FRMD3: variants seen among roughly 807,000 people sequenced by gnomAD.
FRMD3 encodes FERM domain containing 3.
Under a neutral mutation model 70.2 loss-of-function variants are expected in FRMD3, and 33 were observed. That is an observed-to-expected ratio of 0.47 (90% CI 0.36 to 0.63). The LOEUF is 0.63. FRMD3 is among the 20% of genes least tolerant of loss of function. The pLI, the probability that FRMD3 is intolerant of heterozygous loss-of-function variation, is 0.00. For synonymous variants in FRMD3, 279 were observed against 255.9 expected, an observed-to-expected ratio of 1.09 and a Z score of -0.86; for missense variants, 632 against 711.4, an observed-to-expected ratio of 0.89 and a Z score of 1.27.
intron 1 of FRMD3, among the ~76,000 whole-genome samples, chr9:83,395,943 T>C (rs1337873708): frequency 6.6e-6 from 1 of 152,218 alleles, no homozygotes; most frequent in African/African-American, 2.4e-5. Flanking sequence ...GGGATGAAGG[T>C]ATGAACATAG....
chr9:83,465,298 C>T (rs1828096143), intron 1 of FRMD3, among the ~76,000 whole-genome samples: 1 of 152,172 alleles, frequency 6.6e-6, no homozygotes, highest in African/African-American at 2.4e-5. Context: ...CTTCCCAGAA[C>T]TCTAGTCCCA....
intron 4 of FRMD3, among the ~76,000 whole-genome samples, chr9:83,347,552 C>T (rs1226297420): frequency 6.6e-6 from 1 of 152,078 alleles, no homozygotes; most frequent in African/African-American, 2.4e-5. Flanking sequence ...AAGATGATTG[C>T]TTATATGGAG....
At chr9:83,500,704 A>G (rs1450862367) in intron 1 of FRMD3, among the ~76,000 whole-genome samples, 1 of 152,198 alleles carries the variant, frequency 6.6e-6, no homozygotes, top group Non-Finnish European at 1.5e-5. Context: ...TGACAGATTC[A>G]ATTAGTCAAT....
At position 83,247,735 on chromosome 9, in the gene FRMD3, T is replaced by A; in HGVS notation, c.*183A>T. Reference sequence around the variant, plus strand: ...CTTCCTAACCTGTAACTAAAATAACTGTATTTGATTTAAACTTATTTAAGT... The same window carrying A: ...CTTCCTAACCTGTAACTAAAATAACAGTATTTGATTTAAACTTATTTAAGT... On this transcript the variant is annotated 3_prime_UTR_variant, in exon 14 of 14. Transcript: ENST00000304195. The A allele has an allele frequency of 6.9e-7, 1 of 1,440,128 alleles. No homozygotes were observed. The highest frequency in any genetic ancestry group is 1.6e-5 in the South Asian group (1 of 62,762). The allele number at this position is 1,440,128 out of a possible 1,614,324, so 89.2% of individuals were successfully genotyped here.
At chr9:83,378,128 G>C (rs557692142) in intron 2 of FRMD3, among the ~76,000 whole-genome samples, 1 of 152,206 alleles carries the variant, frequency 6.6e-6, no homozygotes, top group East Asian at 1.9e-4. Context: ...CATGAAGAAG[G>C]CCTTAAAACA....
intron 1 of FRMD3, among the ~76,000 whole-genome samples, chr9:83,440,688 CAG>C (rs1554705746): frequency 1.2e-4 from 19 of 152,326 alleles, no homozygotes; most frequent in Non-Finnish European, 2.2e-4. Flanking sequence ...ATTTAGTTAG[CAG>C]ACAGACTGGA....
intron 13 of FRMD3, among the ~76,000 whole-genome samples, chr9:83,275,181 C>A (rs942416870): frequency 6.6e-6 from 1 of 152,162 alleles, no homozygotes; most frequent in Non-Finnish European, 1.5e-5. Flanking sequence ...GGGACCGAGC[C>A]GTCGGCATGG....
At chr9:83,491,836 G>A (rs1034200610) in intron 1 of FRMD3, among the ~76,000 whole-genome samples, 8 of 152,130 alleles carry the variant, frequency 5.3e-5, no homozygotes, top group African/African-American at 1.7e-4. Context: ...TACTCAAAGC[G>A]TATTACAGTG....
At chr9:83,542,409 A>G (rs1261319444), upstream of FRMD3, among the ~76,000 whole-genome samples, 2 of 152,228 alleles carry the variant, frequency 1.3e-5, no homozygotes, top group Non-Finnish European at 2.9e-5. Context: ...AAATATGCAC[A>G]AGATCTTTAT....
In FRMD3 at chr9:83,361,818, G is replaced by A. The variant is rs568796117; in HGVS notation, c.295+11095C>T. Among the ~76,000 whole-genome samples the A allele has an allele frequency of 2.9e-3, 439 of 152,270 alleles. 3 individuals are homozygous for A. The highest frequency in any genetic ancestry group is 0.01 in the African/African-American group (420 of 41,546). ...AGAGAAACATAGGGAGGCACCATGTGAAGATGGAGGCAGAGTGTGGAGTGA... is the reference window on the plus strand; with the variant it reads ...AGAGAAACATAGGGAGGCACCATGTAAAGATGGAGGCAGAGTGTGGAGTGA... On this transcript the variant is annotated intron_variant, in intron 3 of 13. Transcript: ENST00000304195.
At chr9:83,513,462 T>C (rs1355367081) in intron 1 of FRMD3, among the ~76,000 whole-genome samples, 1 of 152,234 alleles carries the variant, frequency 6.6e-6, no homozygotes, top group Non-Finnish European at 1.5e-5. Flanking sequence ...AGATTTTATC[T>C]TCAAAATAAA....
At chr9:83,423,074 TAAAA>T (rs769002406) in intron 1 of FRMD3, among the ~76,000 whole-genome samples, 1 of 151,998 alleles carries the variant, frequency 6.6e-6, no homozygotes, top group Admixed American at 6.5e-5. Context: ...GTAAAGCCAA[TAAAA>T]AAGCACCAAT....
intron 1 of FRMD3, among the ~76,000 whole-genome samples, chr9:83,416,036 G>A (rs1039798535): frequency 1.3e-5 from 2 of 152,158 alleles, no homozygotes; most frequent in Admixed American, 6.6e-5. Context: ...CCTAGAAATA[G>A]CAAGTAAATC....
chr9:83,389,537 A>G, intron 2 of FRMD3, 67 bp downstream of exon 2: 1 of 1,010,024 alleles, frequency 9.9e-7, no homozygotes, highest in Non-Finnish European at 1.6e-6. Context: ...TTTGAGAGGA[A>G]CCCCCACAGT....
At chr9:83,541,825 T>C (rs544206570), upstream of FRMD3, among the ~76,000 whole-genome samples, 155 of 152,292 alleles carry the variant, frequency 1.0e-3, no homozygotes, top group South Asian at 1.7e-3. Flanking sequence ...ATTTGATCTA[T>C]AGGACAAACA....
chr9:83,564,582 T>C, the FRMD3 span, among the ~76,000 whole-genome samples: 1 of 152,218 alleles, frequency 6.6e-6, no homozygotes, highest in Non-Finnish European at 1.5e-5. Context: ...TCTGATATCT[T>C]AGGGAAAGAG....
intron 13 of FRMD3, among the ~76,000 whole-genome samples, chr9:83,263,144 C>T (rs750445445): frequency 5.3e-5 from 8 of 152,160 alleles, no homozygotes; most frequent in Non-Finnish European, 1.2e-4. Flanking sequence ...CTGACAGCAA[C>T]GGCATGAGGG....
intron 1 of FRMD3, among the ~76,000 whole-genome samples, chr9:83,440,862 G>A (rs1023267173): frequency 2.0e-5 from 3 of 152,214 alleles, no homozygotes; most frequent in African/African-American, 7.2e-5. Flanking sequence ...ACGCCAGGAG[G>A]TGTGGGGGCC....
chr9:83,545,145 A>C, the FRMD3 span, among the ~76,000 whole-genome samples: 1 of 152,182 alleles, frequency 6.6e-6, no homozygotes, highest in Non-Finnish European at 1.5e-5. Flanking sequence ...AAAACAATTC[A>C]AGGTATGAAT....
Sources: gnomAD v4.1 joint callset for allele counts (sites outside exome capture counted in the v4.1 genomes callset) on GRCh38, gnomAD v4.1.1 for gene constraint, MANE v1.5 for transcripts, NCBI Gene and HGNC (gene_info 2026-07-23, HGNC 2026-07-21) for gene names.